Variants in CHD1L observed in about 807,000 individuals in gnomAD.
CHD1L encodes the protein chromodomain helicase DNA binding protein 1 like.
CHD1L carries 118 observed loss-of-function variants against 115.9 expected under a neutral mutation model. That is an observed-to-expected ratio of 1.02 (90% CI 0.88 to 1.19). CHD1L has a LOEUF of 1.19. Among genes scored for constraint, CHD1L ranks in the 50% most tolerant of loss-of-function variants. CHD1L has a pLI of 0.00. For missense variants in CHD1L, 1,179 were observed against 1,065.3 expected (o/e 1.11, Z -1.49); for synonymous variants, 411 against 387.1 (o/e 1.06, Z -0.72).
At chr1:147,249,254 G>A (rs1322651117) in intron 1 of CHD1L, among the ~76,000 whole-genome samples, 1 of 151,780 alleles carries the variant, frequency 6.6e-6, no homozygotes, top group African/African-American at 2.4e-5. Flanking sequence ...TTTCTTTCTG[G>A]CCTTTAAGAT....
intron 20 of CHD1L, 96 bp from the exon 21 acceptor site, chr1:147,293,512 T>A (rs1686374933): frequency 2.2e-6 from 2 of 903,534 alleles, no homozygotes; most frequent in Non-Finnish European, 3.6e-6. Context: ...CAAGCCCAAG[T>A]GACCCATCAA....
At chr1:147,283,259 G>T (rs1681643632) in intron 15 of CHD1L, among the ~76,000 whole-genome samples, 1 of 152,142 alleles carries the variant, frequency 6.6e-6, no homozygotes, top group Non-Finnish European at 1.5e-5. Flanking sequence ...TAGAATTACA[G>T]CTGGTTAGAT....
chr1:147,174,402 C>G, the CHD1L span: 2 of 152,176 alleles, frequency 1.3e-5, no homozygotes, highest in Admixed American at 1.3e-4. Flanking sequence ...ATAATATGTC[C>G]TTGGTATGTA....
rs1400179249 is a variant in CHD1L at position 147,264,740 on chromosome 1, ATGT to A, written c.739+161_739+163del. ...ATATTAGGGAGATGTTAAGTCACAC[ATGT>A]TGTTCCCAGTTGTCTGCTGTTCATG... is the stretch of plus-strand genomic sequence containing the variant. On this transcript the variant is annotated intron_variant, in intron 7 of 22. Transcript: ENST00000369258. 3.0e-4 allele frequency among the ~76,000 whole-genome samples: 45 copies of A among 152,296 alleles called. 1 individual carries two copies. The highest frequency in any genetic ancestry group is 1.0e-3 in the African/African-American group (42 of 41,566).
At chr1:147,184,458 G>T in the CHD1L span, 2 of 1,390,276 alleles carry the variant, frequency 1.4e-6, no homozygotes. This position sits in a 1 kb window ranked among gnomAD's most constrained non-coding sequence, Gnocchi z 4.4. Context: ...TCTGTTGCAG[G>T]AGTCCATCCA....
intron 1 of CHD1L, among the ~76,000 whole-genome samples, chr1:147,245,891 G>T (rs1666456520): frequency 6.6e-6 from 1 of 151,950 alleles, no homozygotes; most frequent in South Asian, 2.1e-4. Flanking sequence ...TCCCCTCGTG[G>T]TCATATCTTG....
chr1:147,286,307 G>T lies in CHD1L; in HGVS notation c.2028G>T (p.Trp676Cys). The change falls in exon 18 of 23, where the codon TGG (tryptophan) becomes TGT (cysteine). Residue 676 changes from tryptophan to cysteine, a missense_variant. Physicochemically the swap from Trp to Cys is radical, Grantham distance 215. Transcript: ENST00000369258. ...EEAEHKKKMAWWESNNYQSFC... is the reference protein window; with the variant it reads ...EEAEHKKKMACWESNNYQSFC... ...CTCTGGCCTGCTAAAGGATGGCCTGGTGGGAATCCAACAATTACCAGTCCT... is the reference window on the plus strand; with the variant it reads ...CTCTGGCCTGCTAAAGGATGGCCTGTTGGGAATCCAACAATTACCAGTCCT... The T allele has an allele frequency of 6.2e-7, 1 of 1,613,958 alleles. No individual in the cohort carries two copies. The highest frequency in any genetic ancestry group is 8.5e-7 in the Non-Finnish European group (1 of 1,179,944).
chr1:147,243,305 C>T (rs1351548634), intron 1 of CHD1L, among the ~76,000 whole-genome samples: 1 of 152,136 alleles, frequency 6.6e-6, no homozygotes, highest in Non-Finnish European at 1.5e-5. Context: ...GGAGAATTCG[C>T]CACGGATTAA....
chr1:147,242,803 C>G lies in CHD1L; in HGVS notation c.100C>G (p.Gln34Glu). The G allele has an allele frequency of 1.6e-6, 2 of 1,276,958 alleles. No homozygotes were observed. The highest frequency in any genetic ancestry group is 7.5e-5 in the South Asian group (2 of 26,572). The allele number at this position is 1,276,958 out of a possible 1,614,324, so 79.1% of individuals were successfully genotyped here. A position where few individuals can be genotyped will look rare whatever the true frequency, so the allele number is the denominator to read the frequency against. ...AGCCGAGGCGGCGCGGGTGCAGGAGCAGGACTTACGGCAGTGGGGGCTGAC... is the reference window on the plus strand; with the variant it reads ...AGCCGAGGCGGCGCGGGTGCAGGAGGAGGACTTACGGCAGTGGGGGCTGAC... ...GRAEAARVQE[Q>E]DLRQWGLTGI... Residue 34 changes from glutamine (Q) to glutamate (E), a missense_variant, in exon 1 of 23, where the codon CAG becomes GAG. Physicochemically the swap from Gln to Glu is conservative, Grantham distance 29 (BLOSUM62 2). Coordinates refer to ENST00000369258, the MANE Select transcript of CHD1L (RefSeq NM_004284.6).
At chr1:147,271,864 T>C (rs1676375878) in intron 11 of CHD1L, among the ~76,000 whole-genome samples, 1 of 152,206 alleles carries the variant, frequency 6.6e-6, no homozygotes, top group Non-Finnish European at 1.5e-5. Context: ...AAGTTGAAAC[T>C]ATCACACAGG....
the CHD1L span, chr1:147,178,534 A>T: frequency 6.2e-7 from 1 of 1,611,564 alleles, no homozygotes; most frequent in Non-Finnish European, 8.5e-7. Flanking sequence ...GCCTCTCAGG[A>T]CTGAGGAAGA....
intron 2 of CHD1L, among the ~76,000 whole-genome samples, chr1:147,253,641 C>T (rs587607543): frequency 1.3e-5 from 2 of 152,268 alleles, no homozygotes; most frequent in Non-Finnish European, 2.9e-5. Context: ...GGACTACAGG[C>T]GCATGCCACC....
In CHD1L at chr1:147,284,369, T is replaced by C; in HGVS notation, c.1724T>C (p.Phe575Ser). 1.3e-6 allele frequency: 2 copies of C among 1,580,474 alleles called. No homozygotes were observed. The highest frequency in any genetic ancestry group is 2.7e-5 in the African/African-American group (2 of 73,198). ...TTGTTAGAAAATCATATGTACTTAT[T>C]TGAAGGTAAAGATTATTCTAAAGAG... ...QEEGKNHMYL[F>S]EGKDYSKEPS... Residue 575 changes from phenylalanine (F) to serine (S), a missense_variant, in exon 16 of 23, where the codon TTT becomes TCT. Physicochemically the swap from Phe to Ser is radical, Grantham distance 155 (BLOSUM62 -2). Transcript: ENST00000369258.
At chr1:147,234,580 A>C in the CHD1L span, among the ~76,000 whole-genome samples, 1 of 152,366 alleles carries the variant, frequency 6.6e-6, no homozygotes, top group Admixed American at 6.5e-5. Flanking sequence ...TTCAAGTATT[A>C]GTCAGCATTA....
the CHD1L span, chr1:147,213,279 AGG>A: frequency 1.3e-6 from 2 of 1,581,718 alleles, no homozygotes; most frequent in Non-Finnish European, 1.7e-6. Context: ...GCATGGGTCA[AGG>A]GTCTTCCTTC....
the CHD1L span, chr1:147,215,032 T>G: frequency 2.0e-5 from 3 of 152,168 alleles, no homozygotes. Flanking sequence ...GGTTTGGGCT[T>G]TTTGCCAGCT....
the CHD1L span, among the ~76,000 whole-genome samples, chr1:147,188,800 T>A: frequency 6.6e-6 from 1 of 150,888 alleles, no homozygotes; most frequent in Non-Finnish European, 1.5e-5. Flanking sequence ...CTTGGGTTAC[T>A]GACTACTCAG....
the CHD1L span, among the ~76,000 whole-genome samples, chr1:147,221,407 G>A: frequency 6.6e-6 from 1 of 152,106 alleles, no homozygotes. Context: ...AATAAATTTT[G>A]TAAGTCTAAA....
the CHD1L span, chr1:147,224,757 G>C: frequency 1.4e-6 from 1 of 731,816 alleles, no homozygotes; most frequent in South Asian, 1.7e-5. Flanking sequence ...TGATCCGCCC[G>C]CCTCGGCCTC....
Sources: allele counts gnomAD v4.1 joint callset (sites outside exome capture counted in the v4.1 genomes callset), GRCh38; gene constraint gnomAD v4.1.1; non-coding constraint Gnocchi (gnomAD v3.1); transcripts MANE v1.5; gene names NCBI Gene and HGNC (gene_info 2026-07-23, HGNC 2026-07-21).